ZNF804B: variants seen among roughly 807,000 people sequenced by gnomAD.
The protein encoded by ZNF804B is zinc finger 804B.
In ZNF804B, 80 loss-of-function variants were observed where a neutral mutation model predicts 101.4. The ratio of observed to expected loss-of-function variants is 0.79; its 90% CI spans 0.66 to 0.95. The LOEUF is 0.95. Among genes scored for constraint, ZNF804B ranks in the 40% least tolerant of loss-of-function variants. ZNF804B has a pLI of 0.00. For synonymous variants in ZNF804B, 622 were observed against 558.8 expected (o/e 1.11, Z -1.59); for missense variants, 1,673 against 1,561.9 (o/e 1.07, Z -1.20).
chr7:89,095,251 T>G (rs1204075265), intron 1 of ZNF804B, among the ~76,000 whole-genome samples: 1 of 152,144 alleles, frequency 6.6e-6, no homozygotes, highest in Admixed American at 6.5e-5. Context: ...ATTTCTTCCC[T>G]CTGGAGGATG....
intron 2 of ZNF804B, among the ~76,000 whole-genome samples, chr7:89,253,303 A>G (rs541427805): frequency 2.6e-5 from 4 of 152,294 alleles, no homozygotes; most frequent in African/African-American, 7.2e-5. Context: ...CAGAAGATCA[A>G]TGGAGTCAAA....
At chr7:88,988,893 C>T (rs1244886442) in intron 1 of ZNF804B, among the ~76,000 whole-genome samples, 2 of 152,122 alleles carry the variant, frequency 1.3e-5, no homozygotes, top group Non-Finnish European at 2.9e-5. Context: ...CTAGCCCTCC[C>T]ATTAAATCAG....
intron 1 of ZNF804B, among the ~76,000 whole-genome samples, chr7:89,193,540 C>T (rs532650338): frequency 6.7e-6 from 1 of 148,650 alleles, no homozygotes; most frequent in Non-Finnish European, 1.5e-5. Flanking sequence ...TCAATTCCCA[C>T]CTATGAGTGA....
chr7:89,057,274 T>C (rs1789311355), intron 1 of ZNF804B, among the ~76,000 whole-genome samples: 1 of 152,080 alleles, frequency 6.6e-6, no homozygotes, highest in Non-Finnish European at 1.5e-5. Flanking sequence ...AACATGACTT[T>C]CAGCGCCAAG....
intron 1 of ZNF804B, among the ~76,000 whole-genome samples, chr7:88,909,501 C>T (rs1792518304): frequency 6.6e-6 from 1 of 151,766 alleles, no homozygotes; most frequent in Non-Finnish European, 1.5e-5. Flanking sequence ...TGTTTTTCTT[C>T]TCCTAAAATT....
At chr7:89,112,999 A>G (rs2116354713) in intron 1 of ZNF804B, among the ~76,000 whole-genome samples, 1 of 152,368 alleles carries the variant, frequency 6.6e-6, no homozygotes, top group Middle Eastern at 3.4e-3. Flanking sequence ...AGATTTAAAA[A>G]TCTTCAACAT....
At chr7:89,079,434 G>A (rs1484559343) in intron 1 of ZNF804B, among the ~76,000 whole-genome samples, 1 of 151,966 alleles carries the variant, frequency 6.6e-6, no homozygotes, top group Non-Finnish European at 1.5e-5. Context: ...TTTGAATACA[G>A]AGTCCTTCAC....
chr7:89,015,789 A>G (rs61595236), intron 1 of ZNF804B, among the ~76,000 whole-genome samples: 7,635 of 152,196 alleles, frequency 0.05, 430 homozygotes, highest in African/African-American at 0.14. Context: ...TAGTGCCGCA[A>G]TAAACATACG....
chr7:89,318,447 A>G (rs1286044428), intron 2 of ZNF804B, among the ~76,000 whole-genome samples: 1 of 152,202 alleles, frequency 6.6e-6, no homozygotes, highest in Non-Finnish European at 1.5e-5. Flanking sequence ...TTAAAAGTCA[A>G]ACAAGGCATT....
intron 1 of ZNF804B, among the ~76,000 whole-genome samples, chr7:89,014,652 TA>T (rs1212183146): frequency 1.3e-5 from 2 of 152,200 alleles, no homozygotes; most frequent in African/African-American, 4.8e-5. Flanking sequence ...TGGCCATTTG[TA>T]TGTCTCTGAG....
intron 1 of ZNF804B, among the ~76,000 whole-genome samples, chr7:89,085,268 C>T (rs1233682147): frequency 1.3e-5 from 2 of 151,924 alleles, no homozygotes; most frequent in Non-Finnish European, 2.9e-5. Context: ...AGATTTATTA[C>T]AGATTGTCAG....
At chr7:89,224,797 G>A (rs1789061536) in intron 2 of ZNF804B, among the ~76,000 whole-genome samples, 1 of 150,868 alleles carries the variant, frequency 6.6e-6, no homozygotes, top group African/African-American at 2.4e-5. Flanking sequence ...AGCAGTAGTT[G>A]CAACCTTTAT....
intron 1 of ZNF804B, chr7:88,794,583 A>G (rs377395892): frequency 6.2e-7 from 1 of 1,613,670 alleles, no homozygotes; most frequent in Non-Finnish European, 8.5e-7. Flanking sequence ...ATACTGTTTC[A>G]TCTTTGACAT....
intron 1 of ZNF804B, among the ~76,000 whole-genome samples, chr7:88,869,788 T>G (rs1241199251): frequency 6.6e-6 from 1 of 152,220 alleles, no homozygotes; most frequent in Admixed American, 6.5e-5. Context: ...GACTTCAGAA[T>G]GAAGCAGTGT....
At chr7:89,188,342 T>C (rs538115406) in intron 1 of ZNF804B, among the ~76,000 whole-genome samples, 9 of 152,244 alleles carry the variant, frequency 5.9e-5, no homozygotes, top group African/African-American at 1.7e-4. Context: ...GTAAGTGTTC[T>C]GACTGCTTCA....
At chr7:88,900,551 G>A (rs1185609949) in intron 1 of ZNF804B, among the ~76,000 whole-genome samples, 3 of 146,290 alleles carry the variant, frequency 2.1e-5, no homozygotes, top group African/African-American at 5.1e-5. Context: ...AAAAACATTG[G>A]TCAAGCATCT....
chr7:88,888,791 T>G (rs1792172754), intron 1 of ZNF804B, among the ~76,000 whole-genome samples: 1 of 152,174 alleles, frequency 6.6e-6, no homozygotes, highest in Non-Finnish European at 1.5e-5. Flanking sequence ...TGTTTTGTTT[T>G]TTTAACTTCA....
At chr7:89,146,972 T>G (rs938699996) in intron 1 of ZNF804B, among the ~76,000 whole-genome samples, 31 of 151,496 alleles carry the variant, frequency 2.0e-4, no homozygotes, top group African/African-American at 6.5e-4. Context: ...GCGGGTTGCA[T>G]GAGCCAAGAT....
intron 1 of ZNF804B, among the ~76,000 whole-genome samples, chr7:89,193,621 G>A (rs1788496433): frequency 6.6e-6 from 1 of 151,930 alleles, no homozygotes; most frequent in Non-Finnish European, 1.5e-5. Flanking sequence ...CTTCATCCAT[G>A]TTCCTACAAA....
Sources: gnomAD v4.1 joint callset for allele counts (sites outside exome capture counted in the v4.1 genomes callset) on GRCh38, gnomAD v4.1.1 for gene constraint, MANE v1.5 for transcripts, NCBI Gene and HGNC (gene_info 2026-07-23, HGNC 2026-07-21) for gene names.